ZNF529: variants seen among roughly 807,000 people sequenced by gnomAD.
The protein encoded by ZNF529 is zinc finger protein 529.
In ZNF529, 11 loss-of-function variants were observed where a neutral mutation model predicts 10.1. That is an observed-to-expected ratio of 1.09 (90% confidence interval 0.69 to 1.81). The LOEUF (loss-of-function observed/expected upper bound fraction) is 1.81. Ranked by LOEUF, ZNF529 falls within the 40% of genes most tolerant of loss-of-function variation. The probability of loss-of-function intolerance (pLI) is 0.00; values close to 1 mark genes in which losing one functional copy is unlikely to be tolerated. For synonymous variants in ZNF529, 204 were observed against 215.7 expected, an observed-to-expected ratio of 0.95 and a Z score of 0.47; for missense variants, 624 against 666.8, an observed-to-expected ratio of 0.94 and a Z score of 0.71.
In ZNF529 at chr19:36,547,951, G is replaced by C. The variant is rs568499485; in HGVS notation, c.607C>G (p.Gln203Glu). 1.9e-6 allele frequency: 3 copies of C among 1,612,510 alleles called. No individual in the cohort carries two copies. In the South Asian group the frequency reaches 3.3e-5, roughly 18 times the overall value. Residue 203 changes from glutamine (Q) to glutamate (E), a missense_variant, in exon 5 of 5, where the codon CAA (glutamine) becomes GAA (glutamate). Transcript: ENST00000591340. ...TCTATCCCAAAGGTTTTCCAACATT[G>C]ATTACATTCATAGTTTTTTCCACCA... Reference protein sequence around the residue: ...HTGGKNYECNQCWKTFGIDNS... With the variant: ...HTGGKNYECNECWKTFGIDNS...
At position 36,547,625 on chromosome 19, in the gene ZNF529, T is replaced by C; in HGVS notation, c.933A>G (p.Lys311=). The C allele has an allele frequency of 1.2e-6, 2 of 1,613,752 alleles. No individual in the cohort carries two copies. Among genetic ancestry groups the C allele is most frequent in the South Asian group, 1.1e-5 (1 of 91,060 alleles). The part of the protein sequence containing the change: ...QKIHTDEKTY[K]CMECGKDFRF... Reference sequence around the variant, plus strand: ...TGAAGTCCTTGCCACATTCCATACATTTGTAAGTTTTCTCATCAGTATGGA... The same window carrying C: ...TGAAGTCCTTGCCACATTCCATACACTTGTAAGTTTTCTCATCAGTATGGA... The change falls in exon 5 of 5, where the codon AAA becomes AAG. Residue 311 remains lysine, a synonymous_variant. Transcript: ENST00000591340.
intron 4 of ZNF529, among the ~76,000 whole-genome samples, chr19:36,550,213 G>A (rs189816587): frequency 5.3e-5 from 8 of 152,284 alleles, no homozygotes; most frequent in South Asian, 4.1e-4. Flanking sequence ...GCCAGTATCA[G>A]TAAATCAAAA....
chr19:36,547,276 C>A lies in ZNF529; in HGVS notation c.1282G>T (p.Glu428Ter). The change falls in exon 5 of 5, where the codon GAG becomes TAG. Residue 428 changes from glutamate to a stop codon, truncating the protein, a stop_gained. Transcript: ENST00000591340. LOFTEE classifies it low-confidence loss of function (END_TRUNC). ...TCACTACCTACTCCAAATGCTTTCT[C>A]ACATTCTTTACATTTATAGGGTTTT... ...GEKPYKCKEC[E>*]KAFGVGSELT... 6.2e-7 allele frequency: 1 copy of A among 1,613,734 alleles called. No homozygotes were observed. Among genetic ancestry groups the A allele is most frequent in the Non-Finnish European group, 8.5e-7 (1 of 1,179,788 alleles).
chr19:36,598,331 G>A (rs1428668924), intron 1 of ZNF529, among the ~76,000 whole-genome samples: 2 of 152,036 alleles, frequency 1.3e-5, no homozygotes, highest in Non-Finnish European at 2.9e-5. Context: ...GCAACATAGT[G>A]AGACTCTGTG....
chr19:36,575,788 A>G (rs1200216945), upstream of ZNF529, among the ~76,000 whole-genome samples: 5 of 151,984 alleles, frequency 3.3e-5, no homozygotes, highest in Admixed American at 2.0e-4. Flanking sequence ...TTAACCAGGC[A>G]GGTTTAACCA....
At chr19:36,574,941 T>C (rs1407618249), upstream of ZNF529, 2 of 469,956 alleles carry the variant, frequency 4.3e-6, no homozygotes, top group Admixed American at 2.3e-5. Context: ...GATAAGCCTT[T>C]TAGAATGATT....
chr19:36,577,057 A>T (rs1328786526), upstream of ZNF529: 1 of 367,632 alleles, frequency 2.7e-6, no homozygotes, highest in Non-Finnish European at 5.5e-6. Context: ...GGCTCAAGTG[A>T]CTCTCCCATT....
At chr19:36,550,019 A>G (rs999708854) in intron 4 of ZNF529, among the ~76,000 whole-genome samples, 2 of 152,204 alleles carry the variant, frequency 1.3e-5, no homozygotes, top group African/African-American at 4.8e-5. Context: ...CTTTGTAGCA[A>G]AGGATTTTAT....
chr19:36,586,189 C>G (rs943083966), intron 2 of ZNF529, among the ~76,000 whole-genome samples: 5 of 152,270 alleles, frequency 3.3e-5, no homozygotes, highest in African/African-American at 1.2e-4. Context: ...ATCATGCAAA[C>G]AAGTAAAATT....
chr19:36,601,396 G>A (rs750749565), intron 1 of ZNF529, among the ~76,000 whole-genome samples: 5 of 151,860 alleles, frequency 3.3e-5, no homozygotes, highest in South Asian at 2.1e-4. Context: ...GAGTCACTGC[G>A]CCCGGCCACA....
intron 2 of ZNF529, among the ~76,000 whole-genome samples, chr19:36,563,798 A>C (rs1047975597): frequency 1.2e-4 from 19 of 152,218 alleles, no homozygotes; most frequent in African/African-American, 4.6e-4. Flanking sequence ...ATGGAACCAA[A>C]AAAGGGTCTG....
chr19:36,579,703 C>T (rs2036421409), intron 2 of ZNF529, among the ~76,000 whole-genome samples: 1 of 152,156 alleles, frequency 6.6e-6, no homozygotes, highest in South Asian at 2.1e-4. Context: ...GTATAAGATA[C>T]TTGCCATGAA....
chr19:36,562,701 G>A (rs1032696789), intron 2 of ZNF529, among the ~76,000 whole-genome samples: 7 of 152,050 alleles, frequency 4.6e-5, no homozygotes, highest in African/African-American at 7.2e-5. Flanking sequence ...GCCGGGCGTG[G>A]TGGCAGGTGC....
At chr19:36,559,088 T>A (rs1028981726) in intron 2 of ZNF529, among the ~76,000 whole-genome samples, 3 of 151,882 alleles carry the variant, frequency 2.0e-5, no homozygotes, top group Non-Finnish European at 4.4e-5. Context: ...AAATATCACC[T>A]CACACCTGAT....
rs375503527 is a variant in ZNF529, at chr19:36,546,957, T to A, written c.1601A>T (p.Tyr534Phe). 2 of 1,613,914 alleles carry A rather than the reference T, an allele frequency of 1.2e-6. No homozygotes were observed. The highest frequency in any genetic ancestry group is 1.7e-6 in the Non-Finnish European group (2 of 1,179,846). The change falls in exon 5 of 5, where the codon TAT (tyrosine) becomes TTT (phenylalanine). Residue 534 changes from tyrosine (Y) to phenylalanine (F), a missense_variant. Physicochemically the swap from Tyr to Phe is conservative, Grantham distance 22. Transcript: ENST00000591340. ...GGAATTCCCACACTCCTTACATTCATAGGGTTTATCATCAGTATGAATGCG... is the reference window on the plus strand; with the variant it reads ...GGAATTCCCACACTCCTTACATTCAAAGGGTTTATCATCAGTATGAATGCG... Reference protein sequence around the residue: ...HQRIHTDDKPYECKECGNSFS... With the variant: ...HQRIHTDDKPFECKECGNSFS...
intron 4 of ZNF529, among the ~76,000 whole-genome samples, chr19:36,549,491 A>G (rs984554933): frequency 3.3e-5 from 5 of 152,232 alleles, no homozygotes; most frequent in Non-Finnish European, 4.4e-5. Flanking sequence ...TTATGTAACT[A>G]TAAGAATAAT....
intron 2 of ZNF529, among the ~76,000 whole-genome samples, chr19:36,578,367 G>A (rs1450969445): frequency 4.0e-5 from 5 of 123,458 alleles, no homozygotes; most frequent in African/African-American, 6.4e-5. Flanking sequence ...GTGCAGTGGC[G>A]TGATCTCAGC....
chr19:36,556,813 C>A (rs1234478562), intron 2 of ZNF529, among the ~76,000 whole-genome samples: 1 of 152,182 alleles, frequency 6.6e-6, no homozygotes, highest in East Asian at 1.9e-4. Context: ...GGGGGAGAAG[C>A]AGGCCATAGA....
Position 36,547,647 on chromosome 19 carries a change from T to C in ZNF529, c.911A>G (p.His304Arg). Residue 304 changes from histidine to arginine, a missense_variant, in exon 5 of 5, where the codon CAT (histidine) becomes CGT (arginine). Physicochemically the swap from His to Arg is conservative, Grantham distance 29. Transcript: ENST00000591340. ...ACATTTGTAAGTTTTCTCATCAGTA[T>C]GGATTTTCTGATGTCGAGTAAGTTG... ...HAQLTRHQKI[H>R]TDEKTYKCME... is the part of the protein sequence containing the mutation. 6.2e-7 allele frequency: 1 copy of C among 1,613,870 alleles called. No homozygotes were observed. Among genetic ancestry groups the C allele is most frequent in the East Asian group, 2.2e-5 (1 of 44,860 alleles).
Sources: gnomAD v4.1 joint callset for allele counts (sites outside exome capture counted in the v4.1 genomes callset) on GRCh38, gnomAD v4.1.1 for gene constraint, MANE v1.5 for transcripts, NCBI Gene and HGNC (gene_info 2026-07-23, HGNC 2026-07-21) for gene names.